The following PHF20L1 variants were observed in gnomAD, a reference collection of about 807,000 sequenced individuals.
The protein encoded by PHF20L1 is PHD finger protein 20-like protein 1.
PHF20L1 carries 44 observed loss-of-function variants against 125.5 expected under a neutral mutation model. That is an observed-to-expected ratio of 0.35 (90% CI 0.28 to 0.45). The LOEUF (loss-of-function observed/expected upper bound fraction) is 0.45. Ranked by LOEUF, PHF20L1 falls within the 20% of genes least tolerant of loss-of-function variation. The pLI is 1.00. For missense variants in PHF20L1, 1,012 were observed against 1,217.2 expected (o/e 0.83, Z 2.51); for synonymous variants, 380 against 403.1 (o/e 0.94, Z 0.69).
At chr8:132,795,481 T>G (rs1832280354) in intron 4 of PHF20L1, among the ~76,000 whole-genome samples, 1 of 152,088 alleles carries the variant, frequency 6.6e-6, no homozygotes, top group South Asian at 2.1e-4. Flanking sequence ...AAAACAGAAT[T>G]CATATGCTCA....
Position 132,839,368 on chromosome 8 carries a change from A to G in PHF20L1, c.2192-19A>G. On this transcript the variant is annotated intron_variant, in intron 17 of 20. Coordinates refer to ENST00000395386, the MANE Select transcript of PHF20L1 (RefSeq NM_016018.5). ...AGTAAGTGCAGTCCTCTGTGATTTA[A>G]TATCAACTTCATCTGCAGGTCAGAG... is the stretch of plus-strand genomic sequence containing the variant. The G allele has an allele frequency of 6.3e-7, 1 of 1,590,734 alleles. No individual in the cohort carries two copies. Among genetic ancestry groups the G allele is most frequent in the Non-Finnish European group, 8.6e-7 (1 of 1,159,974 alleles).
At chr8:132,815,141 A>G (rs1371557315) in intron 10 of PHF20L1, 4 of 294,486 alleles carry the variant, frequency 1.4e-5, no homozygotes, top group Non-Finnish European at 2.5e-5. Flanking sequence ...ACTCTCCTCA[A>G]CTCATAATCC....
intron 9 of PHF20L1, chr8:132,813,304 G>A (rs1303964142): frequency 6.1e-6 from 1 of 163,162 alleles, no homozygotes; most frequent in Non-Finnish European, 1.3e-5. Context: ...CATTTATAAT[G>A]AGTAAATTCA....
At chr8:132,793,587 A>T (rs1832030341) in intron 2 of PHF20L1, among the ~76,000 whole-genome samples, 1 of 152,208 alleles carries the variant, frequency 6.6e-6, no homozygotes, top group Admixed American at 6.5e-5. Context: ...CTTTAAAAAA[A>T]ATTGAGTCAT....
chr8:132,812,135 C>T (rs952991917), intron 9 of PHF20L1: 5 of 978,360 alleles, frequency 5.1e-6, no homozygotes, highest in South Asian at 4.7e-5. Context: ...GATCATCCAA[C>T]GGTTAAGTCT....
At chr8:132,834,994 A>C (rs1021006050) in intron 15 of PHF20L1, among the ~76,000 whole-genome samples, 25 of 152,148 alleles carry the variant, frequency 1.6e-4, no homozygotes, top group Admixed American at 4.6e-4. Flanking sequence ...GCAAGATTAG[A>C]AGCTGATAGA....
intron 6 of PHF20L1, among the ~76,000 whole-genome samples, chr8:132,801,566 T>C (rs1326355656): frequency 6.6e-6 from 1 of 151,738 alleles, no homozygotes; most frequent in Non-Finnish European, 1.5e-5. Context: ...TTTTTAACAA[T>C]GAAGCTTTTC....
intron 8 of PHF20L1, chr8:132,807,575 T>C (rs1306199428): frequency 5.5e-6 from 2 of 365,274 alleles, no homozygotes; most frequent in Non-Finnish European, 1.1e-5. Flanking sequence ...ATATCAAGAA[T>C]ATTTGATTCT....
intron 2 of PHF20L1, among the ~76,000 whole-genome samples, chr8:132,779,436 A>G (rs1206891929): frequency 6.6e-6 from 1 of 152,254 alleles, no homozygotes; most frequent in African/African-American, 2.4e-5. Flanking sequence ...CTCCAAAGGC[A>G]TACTACTGAA....
chr8:132,816,056 A>G (rs550804716), intron 10 of PHF20L1: 9 of 151,954 alleles, frequency 5.9e-5, no homozygotes, highest in South Asian at 2.1e-4. Context: ...CCAAACATCA[A>G]TGTCTTTAGA....
At chr8:132,843,706 A>G (rs1237991130) in intron 19 of PHF20L1, 1 of 983,812 alleles carries the variant, frequency 1.0e-6, no homozygotes, top group East Asian at 1.1e-4. Context: ...GATTTACTGT[A>G]CTATAACAGT....
chr8:132,810,847 A>G (rs1038087937), intron 8 of PHF20L1, 199 bp from the exon 9 acceptor site: 5 of 514,636 alleles, frequency 9.7e-6, no homozygotes, highest in African/African-American at 5.8e-5. Flanking sequence ...ACACAACTGT[A>G]TAAGCAACTC....
intron 2 of PHF20L1, among the ~76,000 whole-genome samples, chr8:132,778,961 T>G (rs183278537): frequency 6.6e-6 from 1 of 152,344 alleles, no homozygotes; most frequent in African/African-American, 2.4e-5. Flanking sequence ...TTTGATTGAT[T>G]TGTATTAAGT....
rs1265771366 is a variant in PHF20L1 at position 132,842,674 on chromosome 8, C to T, written c.2547C>T (p.Pro849=). 2.5e-6 allele frequency: 4 copies of T among 1,612,846 alleles called. No homozygotes were observed. The highest frequency in any genetic ancestry group is 3.4e-6 in the Non-Finnish European group (4 of 1,179,528). ...VQNHKEPPRL[P]LKMEGTYITS... ...ACCATAAAGAACCACCTCGTTTGCCCCTAAAAATGGAAGGAACTTATATAA... is the reference window on the plus strand; with the variant it reads ...ACCATAAAGAACCACCTCGTTTGCCTCTAAAAATGGAAGGAACTTATATAA... The change falls in exon 19 of 21, where the codon CCC becomes CCT. Residue 849 remains proline, a synonymous_variant. Transcript: ENST00000395386.
intron 2 of PHF20L1, among the ~76,000 whole-genome samples, chr8:132,779,745 G>A (rs368076598): frequency 2.6e-5 from 4 of 152,184 alleles, no homozygotes; most frequent in East Asian, 1.9e-4. Context: ...TTATGATCCA[G>A]TAGTTCAAAA....
At chr8:132,824,201 C>T (rs553260762) in intron 13 of PHF20L1, 141 bp downstream of exon 13, 10 of 528,550 alleles carry the variant, frequency 1.9e-5, no homozygotes, top group African/African-American at 1.8e-4. Context: ...TAGTGTTAGT[C>T]AGCTCCAGAT....
At chr8:132,825,718 A>C (rs766237695) in intron 14 of PHF20L1, among the ~76,000 whole-genome samples, 2 of 152,044 alleles carry the variant, frequency 1.3e-5, no homozygotes, top group Non-Finnish European at 2.9e-5. Context: ...TTCAAGAATG[A>C]GAGTGAAATA....
At chr8:132,825,228 G>C (rs1268852406) in intron 13 of PHF20L1, 36 bp from the exon 14 acceptor site, 2 of 1,591,210 alleles carry the variant, frequency 1.3e-6, no homozygotes, top group Non-Finnish European at 1.7e-6. Context: ...CTCAGGATCA[G>C]TCGTGATTGC....
intron 13 of PHF20L1, chr8:132,825,060 A>G: frequency 6.8e-7 from 1 of 1,478,116 alleles, no homozygotes; most frequent in Non-Finnish European, 9.2e-7. Context: ...ATTTCTCAGC[A>G]CTGCTAATGA....
Sources: gnomAD v4.1 joint callset for allele counts (sites outside exome capture counted in the v4.1 genomes callset) on GRCh38, gnomAD v4.1.1 for gene constraint, MANE v1.5 for transcripts, NCBI Gene and HGNC (gene_info 2026-07-23, HGNC 2026-07-21) for gene names.